The following CORIN variants were observed in gnomAD, a reference collection of about 807,000 sequenced individuals.
CORIN encodes the protein corin, serine peptidase, also known as atrial natriuretic peptide-converting enzyme.
CORIN carries 117 observed loss-of-function variants against 125.3 expected under a neutral mutation model. The observed-to-expected ratio is 0.93, with a 90% CI of 0.80 to 1.09. CORIN has a LOEUF of 1.09. Among genes scored for constraint, CORIN ranks in the 50% least tolerant of loss-of-function variants. The pLI, the probability that CORIN is intolerant of heterozygous loss-of-function variation, is 0.00. For synonymous variants in CORIN, 450 were observed against 466.4 expected, an observed-to-expected ratio of 0.96 and a Z score of 0.45; for missense variants, 1,253 against 1,306.7, an observed-to-expected ratio of 0.96 and a Z score of 0.63.
In CORIN at chr4:47,643,350, G is replaced by A. The variant is rs1723318305; in HGVS notation, c.1958-94C>T. On this transcript the variant is annotated intron_variant, in intron 14 of 21. Transcript: ENST00000273857. ...TATCTTCATGTGCCAGCAGGAGCAT[G>A]GAAAGAAGAAAATATGTGATCACTG... 9 of 1,169,276 alleles carry A rather than the reference G, an allele frequency of 7.7e-6. No individual in the cohort carries two copies. In the South Asian group the frequency reaches 7.9e-5, roughly 10 times the overall value. 72.4% of individuals were successfully genotyped at this position (1,169,276 alleles called of 1,614,324 possible).
intron 10 of CORIN, among the ~76,000 whole-genome samples, chr4:47,666,589 T>C (rs1169291116): frequency 2.6e-5 from 4 of 152,174 alleles, no homozygotes; most frequent in African/African-American, 9.7e-5. Context: ...GTGATAGTAT[T>C]TGGAGGTGGG....
intron 10 of CORIN, 79 bp from the exon 11 acceptor site, chr4:47,665,342 T>C: frequency 1.0e-6 from 1 of 994,280 alleles, no homozygotes; most frequent in East Asian, 2.5e-5. Context: ...AAACTTGAAG[T>C]CTATTTTATT....
Position 47,677,998 on chromosome 4 carries a change from A to G in CORIN, c.1189T>C (p.Phe397Leu). Residue 397 changes from phenylalanine (F) to leucine (L), a missense_variant, in exon 9 of 22, where the codon TTT becomes CTT. Physicochemically the swap from Phe to Leu is conservative, Grantham distance 22. Coordinates refer to ENST00000273857, the MANE Select transcript of CORIN (RefSeq NM_006587.4). ...CAGTCCTCGTCACCATCACATTGAA[A>G]CGTGCTGGGGATACATTGTCCATTT... ...CRNGQCIPST[F>L]QCDGDEDCKD... 4 of 1,614,076 alleles carry G rather than the reference A, an allele frequency of 2.5e-6. No individual in the cohort carries two copies. The highest frequency in any genetic ancestry group is 1.7e-6 in the Non-Finnish European group (2 of 1,179,976).
intron 5 of CORIN, among the ~76,000 whole-genome samples, chr4:47,719,199 T>C (rs1727238028): frequency 6.6e-6 from 1 of 152,224 alleles, no homozygotes; most frequent in Non-Finnish European, 1.5e-5. Context: ...ATGACAAACA[T>C]GTTTCACCTT....
At chr4:47,700,398 C>T (rs1384780284) in intron 5 of CORIN, among the ~76,000 whole-genome samples, 1 of 152,130 alleles carries the variant, frequency 6.6e-6, no homozygotes, top group Non-Finnish European at 1.5e-5. Flanking sequence ...AACGCTGTTA[C>T]ATCAGGGTAC....
At chr4:47,762,609 T>C (rs972704934) in intron 4 of CORIN, among the ~76,000 whole-genome samples, 4 of 152,136 alleles carry the variant, frequency 2.6e-5, no homozygotes, top group African/African-American at 9.7e-5. Flanking sequence ...CAGTGTTGAG[T>C]GGAAGAACCA....
At chr4:47,700,275 A>C (rs573730468) in intron 5 of CORIN, among the ~76,000 whole-genome samples, 34 of 152,166 alleles carry the variant, frequency 2.2e-4, no homozygotes, top group Non-Finnish European at 4.3e-4. Context: ...TTTTAGGGGT[A>C]GAGGGGGACT....
At chr4:47,836,066 T>C (rs1162847921) in intron 1 of CORIN, among the ~76,000 whole-genome samples, 1 of 152,164 alleles carries the variant, frequency 6.6e-6, no homozygotes, top group African/African-American at 2.4e-5. Flanking sequence ...CACACCCAAA[T>C]AACCCCAAAA....
At chr4:47,683,976 AGGTGGCAC>A in intron 6 of CORIN, 138 bp from the exon 7 acceptor site, 1 of 600,190 alleles carries the variant, frequency 1.7e-6, no homozygotes, top group Non-Finnish European at 2.8e-6. Context: ...ATAGGTGAGA[AGGTGGCAC>A]ACAGAGATAC....
chr4:47,734,014 A>G (rs903587037), intron 5 of CORIN, among the ~76,000 whole-genome samples: 4 of 152,154 alleles, frequency 2.6e-5, no homozygotes, highest in Non-Finnish European at 4.4e-5. Flanking sequence ...AGGGGGCTGT[A>G]GCGGCGGGTA....
intron 10 of CORIN, among the ~76,000 whole-genome samples, chr4:47,670,774 T>C (rs1724715569): frequency 6.6e-6 from 1 of 152,038 alleles, no homozygotes; most frequent in Admixed American, 6.5e-5. Context: ...GATTAGTCCC[T>C]CCACACCGGA....
chr4:47,729,036 A>G (rs964520324), intron 5 of CORIN, among the ~76,000 whole-genome samples: 45 of 152,202 alleles, frequency 3.0e-4, no homozygotes, highest in African/African-American at 1.0e-3. Context: ...GAGCCCGCAG[A>G]GAACAGGTAG....
intron 1 of CORIN, among the ~76,000 whole-genome samples, chr4:47,825,198 C>T (rs192922217): frequency 3.0e-4 from 46 of 152,292 alleles, no homozygotes; most frequent in Admixed American, 1.9e-3. Flanking sequence ...AATTGCTGGG[C>T]TTGTTGCTGG....
chr4:47,671,375 C>T (rs1005752353), intron 10 of CORIN, among the ~76,000 whole-genome samples: 16 of 152,184 alleles, frequency 1.1e-4, no homozygotes, highest in Admixed American at 6.5e-4. Flanking sequence ...ATTTGTGCCT[C>T]AGAAGCTAAG....
intron 1 of CORIN, among the ~76,000 whole-genome samples, chr4:47,830,671 G>T (rs1187912006): frequency 6.6e-6 from 1 of 152,158 alleles, no homozygotes; most frequent in Admixed American, 6.5e-5. Context: ...AGCTATTTAG[G>T]TCTAGCTATG....
chr4:47,837,595 G>T (rs1320883670), intron 1 of CORIN: 1 of 539,656 alleles, frequency 1.9e-6, no homozygotes, highest in Non-Finnish European at 3.3e-6. Context: ...ATGGAGACCG[G>T]GGTCTCCGGA....
chr4:47,799,049 A>AT (rs1281053261), intron 2 of CORIN, among the ~76,000 whole-genome samples: 1 of 151,232 alleles, frequency 6.6e-6, no homozygotes, highest in Non-Finnish European at 1.5e-5. Flanking sequence ...CGCTACATCC[A>AT]TTTTGCTGCA....
chr4:47,628,162 T>C (rs1389147568), intron 16 of CORIN, among the ~76,000 whole-genome samples: 1 of 152,192 alleles, frequency 6.6e-6, no homozygotes. Context: ...ATGTTTCTCA[T>C]GCACAAACAT....
chr4:47,603,757 T>A, intron 19 of CORIN, 89 bp from the exon 20 acceptor site: 1 of 1,431,000 alleles, frequency 7.0e-7, no homozygotes, highest in Non-Finnish European at 9.4e-7. Context: ...TTTATTTATG[T>A]AAATAATGGC....
Sources: gnomAD v4.1 joint callset for allele counts (sites outside exome capture counted in the v4.1 genomes callset) on GRCh38, gnomAD v4.1.1 for gene constraint, MANE v1.5 for transcripts, NCBI Gene and HGNC (gene_info 2026-07-23, HGNC 2026-07-21) for gene names.